The following PTCHD4 variants were observed in gnomAD, a reference collection of about 807,000 sequenced individuals.
The protein encoded by PTCHD4 is patched domain containing 4.
A neutral mutation model predicts 58.1 loss-of-function variants in PTCHD4; 33 were observed. The ratio of observed to expected loss-of-function variants is 0.57; its 90% CI spans 0.43 to 0.76. The LOEUF is 0.76. PTCHD4 is among the 30% of genes least tolerant of loss of function. The probability of loss-of-function intolerance (pLI) is 0.00; values close to 1 mark genes in which losing one functional copy is unlikely to be tolerated. For synonymous variants in PTCHD4, 478 were observed against 409.6 expected (o/e 1.17, Z -2.02); for missense variants, 1,058 against 1,027.1 (o/e 1.03, Z -0.41).
intron 4 of PTCHD4, among the ~76,000 whole-genome samples, chr6:47,942,570 G>A (rs2113927665): frequency 6.6e-6 from 1 of 152,304 alleles, no homozygotes; most frequent in South Asian, 2.1e-4. Flanking sequence ...ACAGCTGAAA[G>A]TTCAAGTTTG....
At chr6:48,018,225 C>T (rs73477586) in intron 3 of PTCHD4, among the ~76,000 whole-genome samples, 2,237 of 152,232 alleles carry the variant, frequency 0.015, 56 homozygotes, top group African/African-American at 0.051. Flanking sequence ...GCTACTATAC[C>T]GCCGGGTGAC....
At chr6:48,017,425 T>C (rs1350101084) in intron 3 of PTCHD4, among the ~76,000 whole-genome samples, 1 of 152,148 alleles carries the variant, frequency 6.6e-6, no homozygotes, top group Non-Finnish European at 1.5e-5. Context: ...CGTGATGTAG[T>C]TCACATGTTT....
At chr6:47,902,454 G>T (rs1164817423) in intron 4 of PTCHD4, among the ~76,000 whole-genome samples, 1 of 152,114 alleles carries the variant, frequency 6.6e-6, no homozygotes, top group African/African-American at 2.4e-5. Context: ...TAAAATTCAG[G>T]GGTAAAACTA....
intron 4 of PTCHD4, among the ~76,000 whole-genome samples, chr6:47,904,130 C>G (rs534896821): frequency 3.9e-4 from 59 of 152,082 alleles, no homozygotes; most frequent in Non-Finnish European, 7.9e-4. Context: ...GCAGATGGAG[C>G]CTTGCAAATC....
At chr6:47,951,134 G>A (rs1766630977) in intron 4 of PTCHD4, among the ~76,000 whole-genome samples, 2 of 152,156 alleles carry the variant, frequency 1.3e-5, no homozygotes, top group South Asian at 2.1e-4. Flanking sequence ...GAGATATTGT[G>A]GCATGATCCT....
At chr6:47,918,263 A>C (rs1765321403) in intron 4 of PTCHD4, among the ~76,000 whole-genome samples, 1 of 152,166 alleles carries the variant, frequency 6.6e-6, no homozygotes, top group Admixed American at 6.6e-5. Flanking sequence ...ATCAATGGAA[A>C]TGCTATTGGC....
intron 3 of PTCHD4, among the ~76,000 whole-genome samples, chr6:48,015,648 C>A (rs982031015): frequency 6.6e-6 from 1 of 151,966 alleles, no homozygotes; most frequent in African/African-American, 2.4e-5. Context: ...CCTAAACCAG[C>A]CTTCCTTGCA....
chr6:48,101,834 C>T (rs1415911001), intron 1 of PTCHD4, among the ~76,000 whole-genome samples: 2 of 152,146 alleles, frequency 1.3e-5, no homozygotes, highest in Non-Finnish European at 2.9e-5. Flanking sequence ...TTCTTTTACT[C>T]CTTCTCTCCT....
chr6:47,907,035 G>T (rs1327726033), intron 4 of PTCHD4, among the ~76,000 whole-genome samples: 1 of 152,124 alleles, frequency 6.6e-6, no homozygotes, highest in Admixed American at 6.6e-5. Flanking sequence ...GTATACATCA[G>T]CATAATGCCT....
At chr6:47,896,015 C>T (rs111599391) in intron 4 of PTCHD4, among the ~76,000 whole-genome samples, 8 of 152,286 alleles carry the variant, frequency 5.3e-5, no homozygotes, top group African/African-American at 1.9e-4. Flanking sequence ...TAAACAAATA[C>T]TTTTGAATCT....
intron 3 of PTCHD4, among the ~76,000 whole-genome samples, chr6:48,029,162 A>G (rs1047646520): frequency 1.3e-5 from 2 of 152,082 alleles, no homozygotes; most frequent in Admixed American, 6.6e-5. Context: ...AAATTTCCTT[A>G]TCGGAAAATT....
At chr6:47,891,190 C>A (rs538997464) in intron 4 of PTCHD4, among the ~76,000 whole-genome samples, 1 of 147,680 alleles carries the variant, frequency 6.8e-6, no homozygotes, top group African/African-American at 2.5e-5. Flanking sequence ...CCACTGCACT[C>A]CAGTCTGGGT....
chr6:47,944,665 T>C (rs1766350778), intron 4 of PTCHD4, among the ~76,000 whole-genome samples: 1 of 152,098 alleles, frequency 6.6e-6, no homozygotes, highest in African/African-American at 2.4e-5. Context: ...ATGGGAATAG[T>C]CATCATGTTA....
chr6:48,054,154 C>T (rs1158297861), intron 3 of PTCHD4, among the ~76,000 whole-genome samples: 2 of 152,136 alleles, frequency 1.3e-5, no homozygotes, highest in African/African-American at 2.4e-5. Context: ...GGGCCCCAGA[C>T]ATTACATAAT....
chr6:47,915,894 G>A (rs1161607250), intron 4 of PTCHD4, among the ~76,000 whole-genome samples: 3 of 152,102 alleles, frequency 2.0e-5, no homozygotes, highest in Non-Finnish European at 4.4e-5. Context: ...TTTCGGGGGA[G>A]TGAGGATGGA....
In PTCHD4 at chr6:48,066,099, C is replaced by CCT. The variant is rs763897152; in HGVS notation, c.417+2130_417+2131insAG. ...CTCTGGGTGAGGACACTGACATCTA[C>CCT]TTTTTTTTTTTTTTTTGAGACGGGA... is the stretch of plus-strand genomic sequence containing the variant. On this transcript the variant is annotated intron_variant, in intron 3 of 4. Transcript: ENST00000339488. 1.1e-4 allele frequency among the ~76,000 whole-genome samples: 14 copies of CCT among 131,260 alleles called. 1 individual carries two copies. The highest frequency in any genetic ancestry group is 2.3e-4 in the Admixed American group (3 of 12,824). The allele number at this position is 131,260 out of a possible 152,430, so 86.1% of individuals were successfully genotyped here.
intron 4 of PTCHD4, among the ~76,000 whole-genome samples, chr6:47,907,895 C>G (rs9395329): frequency 0.59 from 89,702 of 151,544 alleles, 27,336 homozygotes; most frequent in East Asian, 0.78. Flanking sequence ...CCACCTCAAG[C>G]TATGTTTCTC....
intron 4 of PTCHD4, among the ~76,000 whole-genome samples, chr6:47,912,491 A>G (rs1765101563): frequency 6.6e-6 from 1 of 152,128 alleles, no homozygotes; most frequent in African/African-American, 2.4e-5. Context: ...ATGCCAAAAT[A>G]GTTACACTTA....
chr6:47,963,447 T>G (rs191951671), intron 4 of PTCHD4, among the ~76,000 whole-genome samples: 1 of 152,274 alleles, frequency 6.6e-6, no homozygotes, highest in East Asian at 1.9e-4. Flanking sequence ...AAATTAAAAA[T>G]AGAACTACTA....
Sources: gnomAD v4.1 joint callset for allele counts (sites outside exome capture counted in the v4.1 genomes callset) on GRCh38, gnomAD v4.1.1 for gene constraint, MANE v1.5 for transcripts, NCBI Gene and HGNC (gene_info 2026-07-23, HGNC 2026-07-21) for gene names.